The following GRHL2 variants were observed in gnomAD, a reference collection of about 807,000 sequenced individuals.
GRHL2 encodes grainyhead-like protein 2 homolog.
GRHL2 carries 21 observed loss-of-function variants against 83.8 expected under a neutral mutation model. That is an observed-to-expected ratio of 0.25 (90% CI 0.18 to 0.36). GRHL2 has a LOEUF of 0.36. GRHL2 is among the 10% of genes least tolerant of loss of function. The probability of loss-of-function intolerance (pLI) is 1.00; values close to 1 mark genes in which losing one functional copy is unlikely to be tolerated. For missense variants in GRHL2, 623 were observed against 781.8 expected (o/e 0.80, Z 2.42); for synonymous variants, 280 against 278.9 (o/e 1.00, Z -0.04).
At position 101,556,925 on chromosome 8, in the gene GRHL2, A is replaced by G. The variant is rs73701929; in HGVS notation, c.285-1494A>G. 7.4e-3 allele frequency among the ~76,000 whole-genome samples: 1,122 copies of G among 152,246 alleles called. 20 individuals carry two copies. The highest frequency in any genetic ancestry group is 0.025 in the African/African-American group (1,039 of 41,538). ...TGTGTTTTAAAACTAACTTTTTGGT[A>G]AAAATTTTCAAACACGTACAGAAGT... On this transcript the variant is annotated intron_variant, in intron 3 of 15. Coordinates refer to ENST00000646743, the MANE Select transcript of GRHL2 (RefSeq NM_024915.4).
At chr8:101,662,831 G>A (rs1052704868) in intron 14 of GRHL2, among the ~76,000 whole-genome samples, 9 of 150,238 alleles carry the variant, frequency 6.0e-5, no homozygotes, top group African/African-American at 2.2e-4. Flanking sequence ...ATATGTTGGT[G>A]GGTCCTTCAA....
Position 101,644,128 on chromosome 8 carries a change from TAGTGGC to T in GRHL2, c.1520_1525del (p.Gly507_Ser508del), listed in dbSNP as rs1350826554. On this transcript the variant is annotated splice_acceptor_variant and coding_sequence_variant, in exon 13 of 16. Transcript: ENST00000646743. LOFTEE classifies it high-confidence loss of function. The stretch of plus-strand genomic sequence containing the variant: ...CTTAAGGATTTCTGCTTATCTTTTC[TAGTGGC>T]AGTGTCCTTGTTAAACGGATGTTCC... 6.2e-7 allele frequency: 1 copy of T among 1,613,384 alleles called. No individual in the cohort carries two copies. Among genetic ancestry groups the T allele is most frequent in the Non-Finnish European group, 8.5e-7 (1 of 1,179,418 alleles).
At chr8:101,499,183 T>G (rs1285314395) in intron 1 of GRHL2, among the ~76,000 whole-genome samples, 1 of 152,176 alleles carries the variant, frequency 6.6e-6, no homozygotes, top group Non-Finnish European at 1.5e-5. Flanking sequence ...GTACAGAAGA[T>G]TCAAATCAGA....
chr8:101,558,756 C>T lies in GRHL2; in HGVS notation c.622C>T (p.Gln208Ter), dbSNP rs1811541115. 6.2e-7 allele frequency: 1 copy of T among 1,614,032 alleles called. No individual in the cohort carries two copies. The highest frequency in any genetic ancestry group is 1.3e-5 in the African/African-American group (1 of 74,926). Residue 208 changes from glutamine to a stop codon, truncating the protein, a stop_gained, in exon 4 of 16, where the codon CAG (glutamine) becomes TAG (stop). Coordinates refer to ENST00000646743, the MANE Select transcript of GRHL2 (RefSeq NM_024915.4). LOFTEE classifies it high-confidence loss of function. ...ATHSAYLKDDQRSTPDSTYSE... is the reference protein window; with the variant it reads ...ATHSAYLKDD ...CCACAGCGCCTATCTCAAAGACGACCAGCGCAGCACTCCGGACAGCACATA... is the reference window on the plus strand; with the variant it reads ...CCACAGCGCCTATCTCAAAGACGACTAGCGCAGCACTCCGGACAGCACATA...
chr8:101,580,692 T>G (rs1482564775), intron 7 of GRHL2, among the ~76,000 whole-genome samples: 1 of 152,070 alleles, frequency 6.6e-6, no homozygotes, highest in Admixed American at 6.6e-5. Flanking sequence ...TTATTTTTAT[T>G]TATTTTATTT....
At chr8:101,602,475 C>A (rs905425369) in intron 8 of GRHL2, among the ~76,000 whole-genome samples, 2 of 152,148 alleles carry the variant, frequency 1.3e-5, no homozygotes, top group African/African-American at 4.8e-5. Context: ...AGGACACAAA[C>A]CTGTGGCCTA....
chr8:101,503,438 G>A (rs1810272721), intron 1 of GRHL2, among the ~76,000 whole-genome samples: 1 of 152,194 alleles, frequency 6.6e-6, no homozygotes. Context: ...ATATAACAGA[G>A]ATATTCTAAG....
intron 7 of GRHL2, among the ~76,000 whole-genome samples, chr8:101,590,594 T>C (rs1812258594): frequency 6.6e-6 from 1 of 152,146 alleles, no homozygotes; most frequent in African/African-American, 2.4e-5. Context: ...TTTAGAGAAG[T>C]TGAGTTAACT....
intron 4 of GRHL2, among the ~76,000 whole-genome samples, chr8:101,561,665 C>A (rs1432625185): frequency 1.3e-5 from 2 of 152,186 alleles, no homozygotes; most frequent in African/African-American, 4.8e-5. Flanking sequence ...TTATTTTATA[C>A]ATCACTAGCC....
At position 101,666,988 on chromosome 8, in the gene GRHL2, C is replaced by T. The variant is rs3824090; in HGVS notation, c.*285C>T. 123,385 of 523,474 alleles carry T rather than the reference C, an allele frequency of 0.24. 15,127 individuals are homozygous for T. Among genetic ancestry groups the T allele is most frequent in the Admixed American group, 0.3 (9,402 of 31,702 alleles). The allele number at this position is 523,474 out of a possible 1,614,324, so 32.4% of individuals were successfully genotyped here. Reference sequence around the variant, plus strand: ...TTTTCCTGGAGCCCAGGTCCAGGCCCGCCAGGACTCTGCAGGTCACTGCTA... The same window carrying T: ...TTTTCCTGGAGCCCAGGTCCAGGCCTGCCAGGACTCTGCAGGTCACTGCTA... On this transcript the variant is annotated 3_prime_UTR_variant, in exon 16 of 16. Coordinates refer to ENST00000646743, the MANE Select transcript of GRHL2 (RefSeq NM_024915.4).
intron 1 of GRHL2, among the ~76,000 whole-genome samples, chr8:101,496,755 G>A (rs951384401): frequency 3.9e-5 from 6 of 152,166 alleles, no homozygotes; most frequent in African/African-American, 1.4e-4. Flanking sequence ...TGAGCTTTGA[G>A]TGGAGGCCTG....
rs145501769 is a variant in GRHL2, at chr8:101,650,458, ATACTGC to A, written c.1698+964_1698+969del. Among the ~76,000 whole-genome samples the A allele has an allele frequency of 3.8e-3, 581 of 152,306 alleles. 6 individuals carry two copies. The East Asian group carries it at 0.057, about 15-fold the overall frequency. ...TTTTTCTACCTTTTGGCTATTGTGA[ATACTGC>A]TACTATGAACATTCATGGACAAGTT... On this transcript the variant is annotated intron_variant, in intron 14 of 15. Transcript: ENST00000646743.
intron 4 of GRHL2, among the ~76,000 whole-genome samples, chr8:101,563,005 T>C (rs1811638373): frequency 6.6e-6 from 1 of 152,222 alleles, no homozygotes; most frequent in South Asian, 2.1e-4. Context: ...TAAGTAATAA[T>C]ATTTGAAAAT....
chr8:101,561,155 A>AT (rs35460086), intron 4 of GRHL2, among the ~76,000 whole-genome samples: 15,382 of 145,446 alleles, frequency 0.11, 990 homozygotes, highest in African/African-American at 0.19. Context: ...TTTCGAAGTA[A>AT]TTTTTTTTTT....
intron 4 of GRHL2, among the ~76,000 whole-genome samples, chr8:101,567,698 A>G (rs1327637172): frequency 6.6e-6 from 1 of 152,214 alleles, no homozygotes; most frequent in Non-Finnish European, 1.5e-5. Flanking sequence ...GCATTCATGC[A>G]TTGAAGTGGG....
intron 12 of GRHL2, 58 bp from the exon 13 acceptor site, chr8:101,644,073 A>G: frequency 7.2e-7 from 1 of 1,388,184 alleles, no homozygotes; most frequent in East Asian, 2.3e-5. Context: ...CACACATGTG[A>G]ACGTGTGTTT....
At chr8:101,637,743 C>T (rs546918942) in intron 12 of GRHL2, among the ~76,000 whole-genome samples, 4 of 152,250 alleles carry the variant, frequency 2.6e-5, no homozygotes, top group South Asian at 4.1e-4. Context: ...CACTATTGGA[C>T]GATTCCAGCT....
intron 3 of GRHL2, among the ~76,000 whole-genome samples, chr8:101,554,564 T>C (rs1051179566): frequency 6.6e-6 from 1 of 152,204 alleles, no homozygotes; most frequent in Non-Finnish European, 1.5e-5. Flanking sequence ...AACTACCTTA[T>C]ATAGATTAAT....
intron 2 of GRHL2, among the ~76,000 whole-genome samples, chr8:101,552,199 G>T (rs369372149): frequency 6.6e-6 from 1 of 152,244 alleles, no homozygotes; most frequent in East Asian, 1.9e-4. Context: ...GGGGGGCCCA[G>T]GTATACTGGA....
Sources: gnomAD v4.1 joint callset for allele counts (sites outside exome capture counted in the v4.1 genomes callset) on GRCh38, gnomAD v4.1.1 for gene constraint, MANE v1.5 for transcripts, NCBI Gene and HGNC (gene_info 2026-07-23, HGNC 2026-07-21) for gene names.